Variants in DGKB observed in about 807,000 individuals in gnomAD.
DGKB encodes diacylglycerol kinase beta, also known as 90 kDa diacylglycerol kinase.
Under a neutral mutation model 114.3 loss-of-function variants are expected in DGKB, and 67 were observed. The observed-to-expected ratio is 0.59, with a 90% CI of 0.48 to 0.72. The LOEUF is 0.72. DGKB is among the 30% of genes least tolerant of loss of function. DGKB has a pLI of 0.00. For missense variants in DGKB, 907 were observed against 975.2 expected (o/e 0.93, Z 0.93); for synonymous variants, 398 against 323.1 (o/e 1.23, Z -2.49).
In DGKB at chr7:14,853,159, C is replaced by A. The variant is rs563803757; in HGVS notation, c.-187-11709G>T. ...AATCACTATTGAAGCACGCGAGGGA[C>A]TTTTTTACCAAACGATATTTGATGT... On this transcript the variant is annotated intron_variant, in intron 1 of 25. Transcript: ENST00000402815. Among the ~76,000 whole-genome samples the A allele has an allele frequency of 1.7e-3, 252 of 152,166 alleles. 1 individual carries two copies. Among genetic ancestry groups the A allele is most frequent in the African/African-American group, 5.7e-3 (237 of 41,546 alleles).
intron 21 of DGKB, among the ~76,000 whole-genome samples, chr7:14,446,202 T>C (rs1247819369): frequency 6.6e-6 from 1 of 152,104 alleles, no homozygotes; most frequent in Non-Finnish European, 1.5e-5. Flanking sequence ...CGGGCGATAG[T>C]AGACCCAAGA....
At position 14,332,107 on chromosome 7, in the gene DGKB, T is replaced by C. The variant is rs148407704; in HGVS notation, c.2122+6408A>G. ...CTGAGTTTGTTTGTTTGTTTTTTGTTTTTTTGGCCTGAATTTTTCCATGAA... is the reference window on the plus strand; with the variant it reads ...CTGAGTTTGTTTGTTTGTTTTTTGTCTTTTTGGCCTGAATTTTTCCATGAA... On this transcript the variant is annotated intron_variant, in intron 23 of 25. Coordinates refer to ENST00000402815, the MANE Select transcript of DGKB (RefSeq NM_001350709.2). Among the ~76,000 whole-genome samples, 190 of 151,596 alleles carry C rather than the reference T, an allele frequency of 1.3e-3. 2 individuals carry two copies. The East Asian group carries it at 0.031, about 25-fold the overall frequency.
At chr7:14,813,061 C>T in intron 2 of DGKB, among the ~76,000 whole-genome samples, 1 of 152,138 alleles carries the variant, frequency 6.6e-6, no homozygotes, top group East Asian at 1.9e-4. Flanking sequence ...TCTTAAAATC[C>T]TGAGAAAAAG....
At chr7:14,430,611 T>C (rs1028801166) in intron 21 of DGKB, among the ~76,000 whole-genome samples, 1 of 152,340 alleles carries the variant, frequency 6.6e-6, no homozygotes, top group South Asian at 2.1e-4. Context: ...TTTCTTAAAT[T>C]ATGTTCAGTG....
At chr7:14,699,710 A>G (rs1347657597) in intron 7 of DGKB, among the ~76,000 whole-genome samples, 1 of 152,198 alleles carries the variant, frequency 6.6e-6, no homozygotes, top group African/African-American at 2.4e-5. Flanking sequence ...ACAGCGAAGG[A>G]AAAATATTGG....
At chr7:14,256,054 C>T (rs1795922878) in intron 23 of DGKB, among the ~76,000 whole-genome samples, 1 of 152,276 alleles carries the variant, frequency 6.6e-6, no homozygotes, top group Non-Finnish European at 1.5e-5. Context: ...CTTTATTAAT[C>T]ATTCTGTCTA....
At chr7:14,943,508 T>G (rs1785688753) in intron 1 of DGKB, among the ~76,000 whole-genome samples, 1 of 151,944 alleles carries the variant, frequency 6.6e-6, no homozygotes, top group Admixed American at 6.6e-5. Flanking sequence ...CTCATTATTT[T>G]TATTGTTCTA....
At chr7:14,180,347 A>G (rs1245311863) in intron 23 of DGKB, among the ~76,000 whole-genome samples, 1 of 152,126 alleles carries the variant, frequency 6.6e-6, no homozygotes. Context: ...CACCCACACC[A>G]TATTGCTACT....
At chr7:14,681,963 G>A (rs778969599) in intron 12 of DGKB, among the ~76,000 whole-genome samples, 5 of 152,126 alleles carry the variant, frequency 3.3e-5, no homozygotes, top group East Asian at 1.9e-4. Context: ...TGGAAGAAGC[G>A]TAAGATGAAT....
intron 23 of DGKB, among the ~76,000 whole-genome samples, chr7:14,283,683 A>C (rs1456828157): frequency 6.6e-6 from 1 of 152,000 alleles, no homozygotes; most frequent in Non-Finnish European, 1.5e-5. Flanking sequence ...TCAATGGAAA[A>C]GAACAGAGCC....
intron 1 of DGKB, among the ~76,000 whole-genome samples, chr7:14,964,150 A>G (rs1787021754): frequency 6.6e-5 from 10 of 152,126 alleles, no homozygotes; most frequent in Admixed American, 6.6e-4. Flanking sequence ...GAAGGAATAG[A>G]GTCACATAAT....
chr7:14,572,428 G>A (rs1798534712), intron 20 of DGKB, among the ~76,000 whole-genome samples: 1 of 151,322 alleles, frequency 6.6e-6, no homozygotes, highest in African/African-American at 2.4e-5. Context: ...CTCCAGCCTG[G>A]GTGACAGAGC....
At chr7:14,763,711 T>C (rs1297315793) in intron 2 of DGKB, among the ~76,000 whole-genome samples, 1 of 152,058 alleles carries the variant, frequency 6.6e-6, no homozygotes, top group Non-Finnish European at 1.5e-5. Context: ...TCAAGGCCAA[T>C]AATTTTGCCA....
At chr7:14,321,835 T>C (rs185457937) in intron 23 of DGKB, among the ~76,000 whole-genome samples, 11 of 152,258 alleles carry the variant, frequency 7.2e-5, no homozygotes, top group African/African-American at 2.6e-4. Context: ...TATCTAGGCA[T>C]AAGACAGCTA....
At chr7:14,642,415 C>A (rs1811985064) in intron 13 of DGKB, among the ~76,000 whole-genome samples, 1 of 152,036 alleles carries the variant, frequency 6.6e-6, no homozygotes, top group Non-Finnish European at 1.5e-5. Context: ...CTCTTTAATA[C>A]CAAAAGGCAC....
chr7:14,603,569 T>G (rs1393603261), intron 17 of DGKB, among the ~76,000 whole-genome samples: 1 of 152,094 alleles, frequency 6.6e-6, no homozygotes, highest in African/African-American at 2.4e-5. Context: ...TACATTTATT[T>G]TAATAGGAGA....
intron 1 of DGKB, among the ~76,000 whole-genome samples, chr7:14,881,712 T>A (rs979467659): frequency 2.6e-5 from 4 of 152,090 alleles, no homozygotes; most frequent in African/African-American, 7.2e-5. Flanking sequence ...ACTATTGACC[T>A]GAATATGTTG....
intron 20 of DGKB, among the ~76,000 whole-genome samples, chr7:14,521,464 T>G (rs556243245): frequency 2.0e-5 from 3 of 152,206 alleles, no homozygotes; most frequent in Non-Finnish European, 4.4e-5. Context: ...TGTAGATTAA[T>G]GTATTACATC....
intron 20 of DGKB, among the ~76,000 whole-genome samples, chr7:14,537,763 A>C (rs146228928): frequency 1.3e-5 from 2 of 152,294 alleles, no homozygotes; most frequent in East Asian, 1.9e-4. Context: ...CACCAAAAGC[A>C]CAGGCAACAA....
Sources: gnomAD v4.1 joint callset for allele counts (sites outside exome capture counted in the v4.1 genomes callset) on GRCh38, gnomAD v4.1.1 for gene constraint, MANE v1.5 for transcripts, NCBI Gene and HGNC (gene_info 2026-07-23, HGNC 2026-07-21) for gene names.